The following CLCA2 variants were observed in gnomAD, a reference collection of about 807,000 sequenced individuals.
The protein encoded by CLCA2 is calcium-activated chloride channel regulator 2.
Under a neutral mutation model 82.9 loss-of-function variants are expected in CLCA2, and 85 were observed. That is an observed-to-expected ratio of 1.03 (90% confidence interval 0.86 to 1.23). CLCA2 has a LOEUF of 1.23. Ranked by LOEUF, CLCA2 falls within the 50% of genes most tolerant of loss-of-function variation. The probability of loss-of-function intolerance (pLI) is 0.00; values close to 1 mark genes in which losing one functional copy is unlikely to be tolerated. For missense variants in CLCA2, 1,089 were observed against 1,124.8 expected, an observed-to-expected ratio of 0.97 and a Z score of 0.45; for synonymous variants, 421 against 391.7, an observed-to-expected ratio of 1.07 and a Z score of -0.88.
At chr1:86,448,282 G>A (rs1187424501) in intron 11 of CLCA2, 1 of 156,578 alleles carries the variant, frequency 6.4e-6, no homozygotes, top group Non-Finnish European at 1.4e-5. Flanking sequence ...AGACCCAAGA[G>A]GCTGGGTTGA....
At position 86,434,704 on chromosome 1, in the gene CLCA2, G is replaced by T. The variant is rs374986152; in HGVS notation, c.931G>T (p.Val311Leu). 12 of 1,613,994 alleles carry T rather than the reference G, an allele frequency of 7.4e-6. No homozygotes were observed. Among genetic ancestry groups the T allele is most frequent in the African/African-American group, 1.3e-5 (1 of 74,924 alleles). ...CTCGCTTGTACAGGCTGGTGACAAA[G>T]TGGTCTGTTTAGTGCTGGATGTGTC... ...TFSLVQAGDK[V>L]VCLVLDVSSK... The change falls in exon 6 of 14, where the codon GTG becomes TTG. Residue 311 changes from valine (V) to leucine (L), a missense_variant. By Grantham distance (32) the Val-to-Leu change is conservative (BLOSUM62 1). Coordinates refer to ENST00000370565, the MANE Select transcript of CLCA2 (RefSeq NM_006536.7).
Position 86,438,995 on chromosome 1 carries a change from A to G in CLCA2, c.1092A>G (p.Leu364=). Residue 364 remains leucine (L), a synonymous_variant, in exon 7 of 14, where the codon CTA becomes CTG. Coordinates refer to ENST00000370565, the MANE Select transcript of CLCA2 (RefSeq NM_006536.7). ...GCAAAGGAGAGATCAGAGCCCAGCT[A>G]CACCAAATTAACAGCAATGATGATC... ...FDSKGEIRAQ[L]HQINSNDDRK... 2 of 1,614,164 alleles carry G rather than the reference A, an allele frequency of 1.2e-6. No individual in the cohort carries two copies. The highest frequency in any genetic ancestry group is 1.7e-6 in the Non-Finnish European group (2 of 1,180,002).
chr1:86,439,745 A>G (rs1391941753), intron 7 of CLCA2, among the ~76,000 whole-genome samples: 1 of 152,148 alleles, frequency 6.6e-6, no homozygotes, highest in Non-Finnish European at 1.5e-5. Context: ...AGAGATTCTG[A>G]TTTAATTGAT....
At position 86,424,231 on chromosome 1, in the gene CLCA2, G is replaced by GGA. The variant is rs764096741; in HGVS notation, c.-15_-14dup. The GGA allele has an allele frequency of 5.0e-6, 8 of 1,605,140 alleles. No homozygotes were observed. The highest frequency in any genetic ancestry group is 5.9e-6 in the Non-Finnish European group (7 of 1,176,712). On this transcript the variant is annotated 5_prime_UTR_variant, in exon 1 of 14. Transcript: ENST00000370565. The stretch of plus-strand genomic sequence containing the variant: ...GCAGCAGGCTCAGTGTGAGTGAACT[G>GGA]GAGGCTTCTCTACAACATGACCCAA...
intron 2 of CLCA2, among the ~76,000 whole-genome samples, chr1:86,426,631 A>C (rs1340732676): frequency 6.6e-6 from 1 of 152,138 alleles, no homozygotes; most frequent in African/African-American, 2.4e-5. Context: ...TTTAATTCTC[A>C]CATAACTTAA....
chr1:86,425,084 G>A (rs187763221), intron 1 of CLCA2, among the ~76,000 whole-genome samples: 42 of 152,202 alleles, frequency 2.8e-4, no homozygotes, highest in Non-Finnish European at 5.6e-4. Context: ...AAGCTTAAAA[G>A]CCTTTCTCAA....
chr1:86,425,475 A>G lies in CLCA2; in HGVS notation c.323A>G (p.Lys108Arg). 1.3e-6 allele frequency: 2 copies of G among 1,537,644 alleles called. No individual in the cohort carries two copies. Among genetic ancestry groups the G allele is most frequent in the Admixed American group, 2.0e-5 (1 of 50,436 alleles). ...NSKIKQESYE[K>R]ANVIVTDWYG... ...AAAATAAAACAAGAATCATATGAAA[A>G]GGTAAGAATCCAGGATTTCATTCAA... Residue 108 changes from lysine to arginine, a missense_variant and splice_region_variant, in exon 2 of 14, where the codon AAG becomes AGG. Coordinates refer to ENST00000370565, the MANE Select transcript of CLCA2 (RefSeq NM_006536.7).
rs375729440 is a variant in CLCA2, at chr1:86,438,993, C to T, written c.1090C>T (p.Leu364=). The T allele has an allele frequency of 1.2e-6, 2 of 1,614,024 alleles. No homozygotes were observed. The highest frequency in any genetic ancestry group is 2.2e-5 in the East Asian group (1 of 44,894). Residue 364 remains leucine (L), a synonymous_variant, in exon 7 of 14, where the codon CTA becomes TTA. Coordinates refer to ENST00000370565, the MANE Select transcript of CLCA2 (RefSeq NM_006536.7). ...FDSKGEIRAQ[L]HQINSNDDRK... is the part of the protein sequence containing the mutation. ...CAGCAAAGGAGAGATCAGAGCCCAGCTACACCAAATTAACAGCAATGATGA... is the reference window on the plus strand; with the variant it reads ...CAGCAAAGGAGAGATCAGAGCCCAGTTACACCAAATTAACAGCAATGATGA...
At position 86,456,027 on chromosome 1, in the gene CLCA2, A is replaced by G. The variant is rs1663071226; in HGVS notation, c.*500A>G. On this transcript the variant is annotated 3_prime_UTR_variant, in exon 14 of 14. Transcript: ENST00000370565. Reference sequence around the variant, plus strand: ...TCTTTACCTCTTGCTATTTTGTTATATATATTACAGATGAAATCTCACTGC... The same window carrying G: ...TCTTTACCTCTTGCTATTTTGTTATGTATATTACAGATGAAATCTCACTGC... 1 of 152,210 alleles carries G rather than the reference A, an allele frequency of 6.6e-6. No individual in the cohort carries two copies. The highest frequency in any genetic ancestry group is 2.4e-5 in the African/African-American group (1 of 41,448). 9.4% of individuals were successfully genotyped at this position (152,210 alleles called of 1,614,324 possible).
At position 86,455,107 on chromosome 1, in the gene CLCA2, G is replaced by T; in HGVS notation, c.2412G>T (p.Met804Ile). Reference sequence around the variant, plus strand: ...CAGCTACAAGCTATGAAATAAGAATGAGTAAAAGTCTACAGAATATCCAAG... The same window carrying T: ...CAGCTACAAGCTATGAAATAAGAATTAGTAAAAGTCTACAGAATATCCAAG... ...QGQATSYEIR[M>I]SKSLQNIQDD... The change falls in exon 14 of 14, where the codon ATG becomes ATT. Residue 804 changes from methionine (M) to isoleucine (I), a missense_variant. Met to Ile is a conservative substitution (Grantham distance 10, BLOSUM62 1). Coordinates refer to ENST00000370565, the MANE Select transcript of CLCA2 (RefSeq NM_006536.7). 1 of 1,562,522 alleles carries T rather than the reference G, an allele frequency of 6.4e-7. No homozygotes were observed. The highest frequency in any genetic ancestry group is 1.2e-5 in the South Asian group (1 of 83,202).
At chr1:86,434,444 G>C (rs1251709756) in intron 5 of CLCA2, 74 bp from the exon 6 acceptor site, 2 of 1,258,098 alleles carry the variant, frequency 1.6e-6, no homozygotes, top group Non-Finnish European at 2.3e-6. Flanking sequence ...TTTACCTATA[G>C]TTCCTTGAGA....
At position 86,438,975 on chromosome 1, in the gene CLCA2, G is replaced by T. The variant is rs1466172390; in HGVS notation, c.1072G>T (p.Gly358Ter). The change falls in exon 7 of 14, where the codon GGA becomes TGA. Residue 358 changes from glycine (G) to a stop codon, truncating the protein, a stop_gained. Coordinates refer to ENST00000370565, the MANE Select transcript of CLCA2 (RefSeq NM_006536.7). LOFTEE classifies it high-confidence loss of function. ...FVGIASFDSKGEIRAQLHQIN... is the reference protein window; with the variant it reads ...FVGIASFDSK ...GGGCATTGCCAGTTTCGACAGCAAA[G>T]GAGAGATCAGAGCCCAGCTACACCA... 1 of 1,614,126 alleles carries T rather than the reference G, an allele frequency of 6.2e-7. No individual in the cohort carries two copies. The highest frequency in any genetic ancestry group is 1.1e-5 in the South Asian group (1 of 91,078).
intron 4 of CLCA2, 48 bp from the exon 5 acceptor site, chr1:86,432,321 A>C: frequency 1.9e-6 from 3 of 1,577,336 alleles, no homozygotes; most frequent in Non-Finnish European, 2.6e-6. Flanking sequence ...AAGAAACATA[A>C]GTGTTTCTAA....
rs767651192 is a variant in CLCA2, at chr1:86,434,702, A to C, written c.929A>C (p.Lys310Thr). ...PTFSLVQAGDKVVCLVLDVSS... is the reference protein window; with the variant it reads ...PTFSLVQAGDTVVCLVLDVSS... ...TTCTCGCTTGTACAGGCTGGTGACA[A>C]AGTGGTCTGTTTAGTGCTGGATGTG... The change falls in exon 6 of 14, where the codon AAA becomes ACA. Residue 310 changes from lysine to threonine, a missense_variant. Coordinates refer to ENST00000370565, the MANE Select transcript of CLCA2 (RefSeq NM_006536.7). 1 of 1,614,052 alleles carries C rather than the reference A, an allele frequency of 6.2e-7. No homozygotes were observed. Among genetic ancestry groups the C allele is most frequent in the South Asian group, 1.1e-5 (1 of 91,082 alleles).
At position 86,447,687 on chromosome 1, in the gene CLCA2, A is replaced by T. The variant is rs370806317; in HGVS notation, c.1893A>T (p.Gly631=). The T allele has an allele frequency of 1.7e-5, 28 of 1,614,064 alleles. No homozygotes were observed. The African/African-American group carries it at 3.3e-4, about 19-fold the overall frequency. The change falls in exon 11 of 14, where the codon GGA becomes GGT. Residue 631 remains glycine (G), a synonymous_variant. Coordinates refer to ENST00000370565, the MANE Select transcript of CLCA2 (RefSeq NM_006536.7). Reference sequence around the variant, plus strand: ...TGATTTATGCCAATGTGAAACAGGGATTTTATCCCATTCTTAATGCCACTG... The same window carrying T: ...TGATTTATGCCAATGTGAAACAGGGTTTTTATCCCATTCTTAATGCCACTG... ...PVMIYANVKQ[G]FYPILNATVT... is the part of the protein sequence containing the mutation.
At chr1:86,430,164 C>T (rs12145243) in intron 3 of CLCA2, among the ~76,000 whole-genome samples, 43,155 of 151,976 alleles carry the variant, frequency 0.28, 6,642 homozygotes, top group Non-Finnish European at 0.34. Flanking sequence ...TATGGGAAAG[C>T]TGTGGTCTGA....
At position 86,455,511 on chromosome 1, in the gene CLCA2, G is replaced by C. The variant is rs1476588700; in HGVS notation, c.2816G>C (p.Gly939Ala). The change falls in exon 14 of 14, where the codon GGA becomes GCA. Residue 939 changes from glycine to alanine, a missense_variant. Gly to Ala is a moderately conservative substitution (Grantham distance 60). Transcript: ENST00000370565. ...RKKRADKKEN[G>A]TKLL ...AAGAGAGCAGACAAGAAAGAGAATG[G>C]AACAAAATTATTATAAATAAATATC... 1.4e-6 allele frequency: 2 copies of C among 1,474,484 alleles called. No individual in the cohort carries two copies. The highest frequency in any genetic ancestry group is 2.8e-5 in the African/African-American group (2 of 70,830). 91.3% of individuals were successfully genotyped at this position (1,474,484 alleles called of 1,614,324 possible). A position where few individuals can be genotyped will look rare whatever the true frequency, so the allele number is the denominator to read the frequency against.
intron 6 of CLCA2, among the ~76,000 whole-genome samples, chr1:86,435,716 C>A (rs1401597826): frequency 2.0e-5 from 3 of 152,122 alleles, no homozygotes; most frequent in Non-Finnish European, 4.4e-5. Flanking sequence ...AGGAAATCTG[C>A]AAACCAGTAA....
chr1:86,430,811 C>T, intron 3 of CLCA2, 51 bp from the exon 4 acceptor site: 1 of 1,328,936 alleles, frequency 7.5e-7, no homozygotes, highest in Non-Finnish European at 1.1e-6. Flanking sequence ...GTTAGCAAGG[C>T]ACATTGCTGA....
Sources: gnomAD v4.1 joint callset for allele counts (sites outside exome capture counted in the v4.1 genomes callset) on GRCh38, gnomAD v4.1.1 for gene constraint, MANE v1.5 for transcripts, NCBI Gene and HGNC (gene_info 2026-07-23, HGNC 2026-07-21) for gene names.